Variants in ABTB3 observed in about 807,000 individuals in gnomAD.
The protein encoded by ABTB3 is ankyrin repeat and BTB domain containing 3.
At chr12:107,598,597 G>A in the ABTB3 span, among the ~76,000 whole-genome samples, 1 of 152,172 alleles carries the variant, frequency 6.6e-6, no homozygotes, top group Admixed American at 6.5e-5. Flanking sequence ...TTGGCCACAG[G>A]AATAAATGTT....
chr12:107,364,709 G>A, the ABTB3 span, among the ~76,000 whole-genome samples: 1 of 152,178 alleles, frequency 6.6e-6, no homozygotes, highest in Non-Finnish European at 1.5e-5. Flanking sequence ...AAAGGGCCCA[G>A]AAGCAGCGGG....
the ABTB3 span, among the ~76,000 whole-genome samples, chr12:107,620,348 G>A: frequency 6.6e-6 from 1 of 152,208 alleles, no homozygotes; most frequent in African/African-American, 2.4e-5. Context: ...CAGCTGTCTT[G>A]CTGAGCATCC....
the ABTB3 span, among the ~76,000 whole-genome samples, chr12:107,429,826 C>A: frequency 6.6e-6 from 1 of 152,196 alleles, no homozygotes; most frequent in Non-Finnish European, 1.5e-5. Flanking sequence ...GTATCCATTG[C>A]GGATGTGACC....
chr12:107,396,413 T>A, the ABTB3 span, among the ~76,000 whole-genome samples: 1 of 152,180 alleles, frequency 6.6e-6, no homozygotes, highest in African/African-American at 2.4e-5. Flanking sequence ...AGTTTTCTCA[T>A]CTGTACAATG....
At chr12:107,475,020 TC>T in the ABTB3 span, among the ~76,000 whole-genome samples, 2 of 152,124 alleles carry the variant, frequency 1.3e-5, no homozygotes. Context: ...TTTCTTTGGC[TC>T]TCCCAGTACT....
At chr12:107,493,547 C>T in the ABTB3 span, among the ~76,000 whole-genome samples, 2 of 152,170 alleles carry the variant, frequency 1.3e-5, no homozygotes, top group Non-Finnish European at 2.9e-5. Flanking sequence ...CCATTTTGTG[C>T]TTGGTATCTT....
chr12:107,642,268 T>G, the ABTB3 span: 2 of 1,108,950 alleles, frequency 1.8e-6, no homozygotes, highest in South Asian at 2.6e-5. Flanking sequence ...CTTGGAGAAG[T>G]CCTTGGAATG....
the ABTB3 span, among the ~76,000 whole-genome samples, chr12:107,451,846 AG>A: frequency 6.6e-6 from 1 of 152,228 alleles, no homozygotes; most frequent in East Asian, 1.9e-4. Flanking sequence ...AATCGCTAAC[AG>A]GTGTTGAGTG....
the ABTB3 span, among the ~76,000 whole-genome samples, chr12:107,347,648 G>A: frequency 6.6e-6 from 1 of 152,096 alleles, no homozygotes; most frequent in African/African-American, 2.4e-5. Flanking sequence ...CCAAGAGTCA[G>A]GAGTTAGAAA....
the ABTB3 span, among the ~76,000 whole-genome samples, chr12:107,636,370 GAT>G: frequency 2.0e-5 from 3 of 152,144 alleles, no homozygotes; most frequent in African/African-American, 7.2e-5. Flanking sequence ...AGATATTAAA[GAT>G]AAAGGATTCT....
At chr12:107,621,627 C>G in the ABTB3 span, among the ~76,000 whole-genome samples, 3 of 152,154 alleles carry the variant, frequency 2.0e-5, no homozygotes, top group Non-Finnish European at 2.9e-5. Context: ...CTCATAACTA[C>G]GATGCCAAAT....
the ABTB3 span, among the ~76,000 whole-genome samples, chr12:107,416,036 A>G: frequency 6.6e-5 from 10 of 152,170 alleles, no homozygotes; most frequent in African/African-American, 2.4e-4. Context: ...GGGAGGTTGG[A>G]AAAATTCTGG....
At chr12:107,476,084 T>C in the ABTB3 span, among the ~76,000 whole-genome samples, 11 of 152,204 alleles carry the variant, frequency 7.2e-5, no homozygotes, top group Non-Finnish European at 1.2e-4. Context: ...TTGCTTATTT[T>C]GCAGCTTGAA....
chr12:107,597,904 G>A, the ABTB3 span, among the ~76,000 whole-genome samples: 1 of 152,172 alleles, frequency 6.6e-6, no homozygotes, highest in East Asian at 1.9e-4. Context: ...AGTTTTATTG[G>A]AACACAGCCA....
At chr12:107,319,561 C>G in the ABTB3 span, 1 of 1,544,148 alleles carries the variant, frequency 6.5e-7, no homozygotes, top group South Asian at 1.2e-5. Context: ...CGGCCCGCTG[C>G]GGCCTCACCT....
At chr12:107,416,883 TC>T in the ABTB3 span, among the ~76,000 whole-genome samples, 3 of 152,166 alleles carry the variant, frequency 2.0e-5, no homozygotes, top group East Asian at 5.8e-4. Flanking sequence ...TCCTCCTACT[TC>T]GGCCTCCCAA....
chr12:107,640,677 T>G, the ABTB3 span, among the ~76,000 whole-genome samples: 2 of 152,200 alleles, frequency 1.3e-5, no homozygotes, highest in Non-Finnish European at 2.9e-5. Flanking sequence ...TAGGTGGCCT[T>G]GTGCAGTGAA....
the ABTB3 span, chr12:107,520,612 C>A: frequency 6.2e-7 from 1 of 1,614,168 alleles, no homozygotes. Flanking sequence ...GCTGGCCACG[C>A]GCGTAGGCAG....
chr12:107,334,892 T>G, the ABTB3 span, among the ~76,000 whole-genome samples: 6 of 152,106 alleles, frequency 3.9e-5, no homozygotes, highest in Non-Finnish European at 5.9e-5. Context: ...AGTGGTCCCT[T>G]GCATCAGGTG....
Sources: gnomAD v4.1 joint callset for allele counts (sites outside exome capture counted in the v4.1 genomes callset) on GRCh38, gnomAD v4.1.1 for gene constraint, MANE v1.5 for transcripts, NCBI Gene and HGNC (gene_info 2026-07-23, HGNC 2026-07-21) for gene names.